The following SYNPO2 variants were observed in gnomAD, a reference collection of about 807,000 sequenced individuals.
SYNPO2 encodes synaptopodin 2, also known as synaptopodin-2.
SYNPO2 carries 56 observed loss-of-function variants against 85.0 expected under a neutral mutation model. That is an observed-to-expected ratio of 0.66 (90% CI 0.53 to 0.82). SYNPO2 has a LOEUF of 0.82. SYNPO2 is among the 40% of genes least tolerant of loss of function. SYNPO2 has a pLI of 0.00. For missense variants in SYNPO2, 1,575 were observed against 1,534.2 expected (o/e 1.03, Z -0.44); for synonymous variants, 602 against 591.1 (o/e 1.02, Z -0.27).
chr4:118,961,243 C>T (rs906388348), intron 1 of SYNPO2, among the ~76,000 whole-genome samples: 4 of 152,084 alleles, frequency 2.6e-5, no homozygotes, highest in Admixed American at 6.5e-5. Context: ...AATATCCCCC[C>T]GCAACAGAGA....
rs956365266 is a variant in SYNPO2 at position 119,030,783 on chromosome 4, C to T, written c.2008C>T (p.Arg670Ter). Residue 670 changes from arginine (R) to a stop codon, truncating the protein, a stop_gained, in exon 4 of 5, where the codon CGA becomes TGA. Transcript: ENST00000307142. LOFTEE classifies it high-confidence loss of function. ...FYDSSERIAS[R>*]DERISVPAKR... is the part of the protein sequence containing the mutation. Reference sequence around the variant, plus strand: ...CGATTCGTCTGAGCGAATAGCTTCCCGAGATGAGAGGATCTCAGTGCCAGC... The same window carrying T: ...CGATTCGTCTGAGCGAATAGCTTCCTGAGATGAGAGGATCTCAGTGCCAGC... 6.2e-7 allele frequency: 1 copy of T among 1,614,072 alleles called. No homozygotes were observed. Among genetic ancestry groups the T allele is most frequent in the East Asian group, 2.2e-5 (1 of 44,856 alleles).
At chr4:118,988,776 TG>T (rs900929841) in intron 1 of SYNPO2, among the ~76,000 whole-genome samples, 4 of 152,158 alleles carry the variant, frequency 2.6e-5, no homozygotes, top group African/African-American at 9.7e-5. Context: ...CACTTGGCTT[TG>T]CCCAAGCACA....
intron 1 of SYNPO2, among the ~76,000 whole-genome samples, chr4:118,954,677 A>G (rs1560906114): frequency 6.8e-6 from 1 of 146,068 alleles, no homozygotes; most frequent in African/African-American, 2.5e-5. Context: ...TCCTTCAGAT[A>G]TAGATTTATC....
At position 119,031,615 on chromosome 4, in the gene SYNPO2, C is replaced by T; in HGVS notation, c.2840C>T (p.Pro947Leu). 4 of 1,614,176 alleles carry T rather than the reference C, an allele frequency of 2.5e-6. No individual in the cohort carries two copies. The highest frequency in any genetic ancestry group is 3.4e-6 in the Non-Finnish European group (4 of 1,180,038). Residue 947 changes from proline to leucine, a missense_variant, in exon 4 of 5, where the codon CCC becomes CTC. Around this residue, in one of 3 missense-constraint regions of SYNPO2, gnomAD observed 1,508 missense variants for 1,446.8 expected, o/e 1.04. Transcript: ENST00000307142. ...ALKSQPSAAQ[P>L]SKMGKKKGKK... ...AAGTCTCAGCCATCAGCTGCACAGCCCTCCAAAATGGGCAAGAAAAAGGGA... is the reference window on the plus strand; with the variant it reads ...AAGTCTCAGCCATCAGCTGCACAGCTCTCCAAAATGGGCAAGAAAAAGGGA...
upstream of SYNPO2, among the ~76,000 whole-genome samples, chr4:118,886,588 CT>C (rs923169589): frequency 2.0e-5 from 3 of 152,230 alleles, no homozygotes; most frequent in Non-Finnish European, 2.9e-5. Flanking sequence ...TTAACACATT[CT>C]TTTTTTATGG....
intron 1 of SYNPO2, among the ~76,000 whole-genome samples, chr4:118,900,703 C>CTCTATATA (rs1277981772): frequency 2.2e-3 from 95 of 43,886 alleles, no homozygotes; most frequent in East Asian, 6.1e-3. Context: ...CTCTCTCTCT[C>CTCTATATA]TATATATATA....
intron 1 of SYNPO2, among the ~76,000 whole-genome samples, chr4:118,946,087 G>T (rs1442939715): frequency 6.6e-6 from 1 of 152,040 alleles, no homozygotes; most frequent in African/African-American, 2.4e-5. Flanking sequence ...CCTGGAAAAA[G>T]CAAGATGACA....
chr4:119,039,993 G>A (rs555050841), intron 4 of SYNPO2, among the ~76,000 whole-genome samples: 1 of 152,290 alleles, frequency 6.6e-6, no homozygotes, highest in East Asian at 1.9e-4. Context: ...TGCTGGTTGG[G>A]AGACTTTAAA....
chr4:118,879,587 A>AGAC (rs1384931858), intron 1 of SYNPO2, among the ~76,000 whole-genome samples: 1 of 152,164 alleles, frequency 6.6e-6, no homozygotes, highest in Non-Finnish European at 1.5e-5. Context: ...CTTTGATCTT[A>AGAC]GACTTCCCAG....
chr4:118,855,479 A>G (rs1426683234), intron 1 of SYNPO2, among the ~76,000 whole-genome samples: 1 of 152,164 alleles, frequency 6.6e-6, no homozygotes, highest in Non-Finnish European at 1.5e-5. Context: ...ATTTAGGATT[A>G]CTTTTTATCT....
At position 119,030,978 on chromosome 4, in the gene SYNPO2, T is replaced by C. The variant is rs751981895; in HGVS notation, c.2203T>C (p.Tyr735His). Residue 735 changes from tyrosine to histidine, a missense_variant, in exon 4 of 5, where the codon TAC becomes CAC. Physicochemically the swap from Tyr to His is moderately conservative, Grantham distance 83. Transcript: ENST00000307142. ...AGGTGATTCCGGACCGGAAGAAGAC[T>C]ACCTCAGCTTGGGGGCAGAGGCTTG... ...AGGDSGPEED[Y>H]LSLGAEACNF... is the part of the protein sequence containing the mutation. 1.9e-6 allele frequency: 3 copies of C among 1,614,126 alleles called. No homozygotes were observed. Among genetic ancestry groups the C allele is most frequent in the Non-Finnish European group, 2.5e-6 (3 of 1,180,010 alleles).
At position 119,031,363 on chromosome 4, in the gene SYNPO2, A is replaced by C. The variant is rs777692059; in HGVS notation, c.2588A>C (p.Asn863Thr). The C allele has an allele frequency of 6.2e-7, 1 of 1,613,996 alleles. No individual in the cohort carries two copies. The part of the protein sequence containing the change: ...AVQPGAVGPS[N>T]ELPGMSGRGA... The stretch of plus-strand genomic sequence containing the variant: ...CAGCCTGGTGCAGTGGGACCATCCA[A>C]TGAGCTTCCAGGAATGAGTGGGAGA... The change falls in exon 4 of 5, where the codon AAT becomes ACT. Residue 863 changes from asparagine (N) to threonine (T), a missense_variant. By Grantham distance (65) the Asn-to-Thr change is moderately conservative. Transcript: ENST00000307142.
intron 1 of SYNPO2, among the ~76,000 whole-genome samples, chr4:119,007,464 G>C (rs1423772699): frequency 6.7e-6 from 1 of 149,212 alleles, no homozygotes; most frequent in Non-Finnish European, 1.5e-5. Flanking sequence ...TAAAATTATT[G>C]ACCTAGAAGC....
intron 4 of SYNPO2, chr4:119,043,433 T>A (rs988200885): frequency 6.6e-6 from 1 of 152,156 alleles, no homozygotes; most frequent in Non-Finnish European, 1.5e-5. Flanking sequence ...ATACTAAAAG[T>A]GAAAAAATTG....
chr4:118,986,078 C>G (rs1400540984), intron 1 of SYNPO2, among the ~76,000 whole-genome samples: 2 of 152,212 alleles, frequency 1.3e-5, no homozygotes, highest in Non-Finnish European at 2.9e-5. Flanking sequence ...TTCTTCCCCT[C>G]TGCCAATCCA....
chr4:118,926,971 C>T (rs181176401), intron 1 of SYNPO2, among the ~76,000 whole-genome samples: 4 of 152,142 alleles, frequency 2.6e-5, no homozygotes, highest in African/African-American at 7.2e-5. Flanking sequence ...ATTGATTTAC[C>T]CTCTATTGGT....
intron 1 of SYNPO2, among the ~76,000 whole-genome samples, chr4:118,952,691 C>T (rs951785072): frequency 6.6e-6 from 1 of 151,966 alleles, no homozygotes; most frequent in African/African-American, 2.4e-5. Flanking sequence ...TTTAGTTAAT[C>T]ACATTGGATA....
intron 1 of SYNPO2, among the ~76,000 whole-genome samples, chr4:118,879,685 C>G (rs115576625): frequency 6.6e-6 from 1 of 152,100 alleles, no homozygotes; most frequent in African/African-American, 2.4e-5. Flanking sequence ...GACTAAAACA[C>G]GAGGGGCTGC....
intron 1 of SYNPO2, among the ~76,000 whole-genome samples, chr4:119,019,248 C>T (rs1278572591): frequency 6.6e-6 from 1 of 152,026 alleles, no homozygotes; most frequent in Non-Finnish European, 1.5e-5. Flanking sequence ...AGGTGGTAAG[C>T]AATGAAACAT....
Sources: gnomAD v4.1 joint callset for allele counts (sites outside exome capture counted in the v4.1 genomes callset) on GRCh38, gnomAD v4.1.1 for gene constraint, gnomAD v4.1.1 regional missense constraint, MANE v1.5 for transcripts, NCBI Gene and HGNC (gene_info 2026-07-23, HGNC 2026-07-21) for gene names.